ROBO2: variants seen among roughly 807,000 people sequenced by gnomAD.
ROBO2 encodes the protein roundabout homolog 2.
In ROBO2, 53 loss-of-function variants were observed where a neutral mutation model predicts 160.8. That is an observed-to-expected ratio of 0.33 (90% CI 0.26 to 0.41). The LOEUF is 0.41. Ranked by LOEUF, ROBO2 falls within the 10% of genes least tolerant of loss-of-function variation. ROBO2 has a pLI of 1.00. For synonymous variants in ROBO2, 664 were observed against 611.7 expected (o/e 1.09, Z -1.26); for missense variants, 1,577 against 1,722.4 (o/e 0.92, Z 1.49).
intron 2 of ROBO2, among the ~76,000 whole-genome samples, chr3:76,024,214 GAAT>G (rs1315513176): frequency 6.6e-6 from 1 of 151,294 alleles, no homozygotes; most frequent in African/African-American, 2.4e-5. Context: ...TGTTTTTCCA[GAAT>G]AATGAGAAAA....
At chr3:77,583,927 T>A (rs983553600) in intron 16 of ROBO2, among the ~76,000 whole-genome samples, 2 of 152,182 alleles carry the variant, frequency 1.3e-5, no homozygotes. Flanking sequence ...TAAAATACTT[T>A]CAAGGCATGA....
intron 2 of ROBO2, among the ~76,000 whole-genome samples, chr3:77,380,275 G>A (rs913911747): frequency 2.0e-5 from 3 of 152,180 alleles, no homozygotes; most frequent in African/African-American, 4.8e-5. Flanking sequence ...AAACACACTA[G>A]CATGTCTCAT....
chr3:76,880,687 T>A (rs1302475532), intron 2 of ROBO2, among the ~76,000 whole-genome samples: 1 of 152,152 alleles, frequency 6.6e-6, no homozygotes, highest in Admixed American at 6.5e-5. Context: ...TTCTCATATA[T>A]GATCCTTAAC....
intron 2 of ROBO2, among the ~76,000 whole-genome samples, chr3:76,941,021 T>C (rs750141506): frequency 6.6e-6 from 1 of 152,184 alleles, no homozygotes; most frequent in Non-Finnish European, 1.5e-5. Flanking sequence ...CTTTAACCTT[T>C]AGTCTGTTAC....
intron 2 of ROBO2, among the ~76,000 whole-genome samples, chr3:76,052,912 A>T (rs1305216456): frequency 1.3e-5 from 2 of 152,042 alleles, no homozygotes; most frequent in East Asian, 3.8e-4. Flanking sequence ...AATTCTAAAC[A>T]TTGAAAGTGT....
At chr3:77,623,609 G>A (rs1254636852) in intron 23 of ROBO2, among the ~76,000 whole-genome samples, 2 of 152,156 alleles carry the variant, frequency 1.3e-5, no homozygotes, top group African/African-American at 2.4e-5. Context: ...TAAGATTTAA[G>A]AGCTGCAGAT....
intron 1 of ROBO2, among the ~76,000 whole-genome samples, chr3:77,057,076 G>T (rs1434646042): frequency 2.6e-5 from 4 of 152,032 alleles, no homozygotes; most frequent in Admixed American, 1.3e-4. Flanking sequence ...TGTCCATCAG[G>T]GATAGACTGG....
intron 2 of ROBO2, among the ~76,000 whole-genome samples, chr3:76,503,785 G>C (rs1192127142): frequency 6.6e-6 from 1 of 152,158 alleles, no homozygotes; most frequent in African/African-American, 2.4e-5. Flanking sequence ...GGTGATTAGT[G>C]GATGGTGGGA....
At chr3:76,847,019 G>T (rs922570994) in intron 2 of ROBO2, among the ~76,000 whole-genome samples, 1 of 151,990 alleles carries the variant, frequency 6.6e-6, no homozygotes, top group African/African-American at 2.4e-5. Context: ...GCAAATTTAG[G>T]CTTGATTTAA....
At chr3:77,228,076 T>C (rs1354536997) in intron 2 of ROBO2, among the ~76,000 whole-genome samples, 1 of 152,166 alleles carries the variant, frequency 6.6e-6, no homozygotes, top group Non-Finnish European at 1.5e-5. Context: ...TGATCAAGCA[T>C]ACACTAAGAT....
At chr3:77,159,964 G>T (rs1253600761) in intron 2 of ROBO2, among the ~76,000 whole-genome samples, 1 of 151,944 alleles carries the variant, frequency 6.6e-6, no homozygotes, top group East Asian at 1.9e-4. Flanking sequence ...GAAGTTCTTT[G>T]TTTCTTCTGA....
chr3:77,265,178 G>T (rs114874995), intron 2 of ROBO2, among the ~76,000 whole-genome samples: 248 of 152,254 alleles, frequency 1.6e-3, no homozygotes, highest in African/African-American at 5.8e-3. Flanking sequence ...AGAAGGGCAG[G>T]TATCACATTA....
chr3:77,282,675 CA>C (rs1430162154), intron 2 of ROBO2, among the ~76,000 whole-genome samples: 2 of 151,932 alleles, frequency 1.3e-5, no homozygotes, highest in Admixed American at 6.6e-5. Context: ...ATGTACTTAG[CA>C]AAACATTATA....
intron 2 of ROBO2, among the ~76,000 whole-genome samples, chr3:76,901,729 A>G (rs2075250982): frequency 6.6e-6 from 1 of 152,066 alleles, no homozygotes; most frequent in South Asian, 2.1e-4. Flanking sequence ...AGAACAATGG[A>G]TATTTTCTTG....
At chr3:77,486,917 G>A (rs1417045853) in intron 4 of ROBO2, among the ~76,000 whole-genome samples, 2 of 151,922 alleles carry the variant, frequency 1.3e-5, no homozygotes, top group African/African-American at 4.8e-5. Context: ...ATGATCTATT[G>A]TTGTTAATTC....
At chr3:76,576,780 C>A (rs79904492) in intron 2 of ROBO2, among the ~76,000 whole-genome samples, 775 of 92,682 alleles carry the variant, frequency 8.4e-3, no homozygotes, top group Middle Eastern at 0.014. Context: ...CTCCGTCTCA[C>A]AAAAAAAAAA....
Position 76,256,299 on chromosome 3 carries a change from GTCTCTCTCTCTCTCTCTCTCTCTCTC to G in ROBO2, c.109+318726_109+318751del, listed in dbSNP as rs372215718. Among the ~76,000 whole-genome samples the G allele has an allele frequency of 3.3e-3, 304 of 92,552 alleles. 6 individuals are homozygous for G. Among genetic ancestry groups the G allele is most frequent in the Admixed American group, 0.028 (217 of 7,880 alleles). The allele number at this position is 92,552 out of a possible 152,430, so 60.7% of individuals were successfully genotyped here. A position where few individuals can be genotyped will look rare whatever the true frequency, so the allele number is the denominator to read the frequency against. On this transcript the variant is annotated intron_variant, in intron 2 of 26. Coordinates refer to the ROBO2 transcript ENST00000487694. ...CACTGCAGCCTGGGTGACAGAGTGA[GTCTCTCTCTCTCTCTCTCTCTCTCTC>G]TCTCTCTCTCTCTCTCTCTCTCTCT... is the stretch of plus-strand genomic sequence containing the variant.
chr3:77,374,150 G>A (rs1181266648), intron 2 of ROBO2, among the ~76,000 whole-genome samples: 4 of 107,590 alleles, frequency 3.7e-5, no homozygotes, highest in Admixed American at 1.5e-4. Flanking sequence ...AGCCCAGGCC[G>A]ACAACAGCGA....
chr3:76,862,773 T>A (rs2070932066), intron 2 of ROBO2, among the ~76,000 whole-genome samples: 1 of 152,130 alleles, frequency 6.6e-6, no homozygotes, highest in Non-Finnish European at 1.5e-5. Flanking sequence ...TGGGGTCGTA[T>A]GTCCTGAACC....
Sources: allele counts gnomAD v4.1 joint callset (sites outside exome capture counted in the v4.1 genomes callset), GRCh38; gene constraint gnomAD v4.1.1; transcripts MANE v1.5; gene names NCBI Gene and HGNC (gene_info 2026-07-23, HGNC 2026-07-21).